The following HFM1 variants were observed in gnomAD, a reference collection of about 807,000 sequenced individuals.
HFM1 encodes probable ATP-dependent DNA helicase HFM1.
In HFM1, 169 loss-of-function variants were observed where a neutral mutation model predicts 192.1. The observed-to-expected ratio is 0.88, with a 90% CI of 0.78 to 1.00. The LOEUF (loss-of-function observed/expected upper bound fraction) is 1.00. Among genes scored for constraint, HFM1 ranks in the 50% least tolerant of loss-of-function variants. The probability of loss-of-function intolerance (pLI) is 0.00; values close to 1 mark genes in which losing one functional copy is unlikely to be tolerated. For missense variants in HFM1, 1,661 were observed against 1,668.0 expected (o/e 1.00, Z 0.07); for synonymous variants, 525 against 537.8 (o/e 0.98, Z 0.33).
At chr1:91,325,373 G>A (rs964409373) in intron 20 of HFM1, among the ~76,000 whole-genome samples, 1 of 152,184 alleles carries the variant, frequency 6.6e-6, no homozygotes, top group Non-Finnish European at 1.5e-5. Flanking sequence ...GTGCTGTGCT[G>A]GCTTCAGGTC....
intron 25 of HFM1, among the ~76,000 whole-genome samples, chr1:91,316,957 A>G (rs745800730): frequency 5.9e-5 from 9 of 152,126 alleles, no homozygotes; most frequent in Non-Finnish European, 1.2e-4. Context: ...AAAACTTCCA[A>G]TGCTTTTCCA....
Position 91,385,288 on chromosome 1 carries a change from A to G in HFM1, c.755-54T>C, listed in dbSNP as rs145561510. The G allele has an allele frequency of 1.7e-3, 1,793 of 1,031,108 alleles. 16 individuals are homozygous for G. In the East Asian group the frequency reaches 0.023, roughly 13 times the overall value. The allele number at this position is 1,031,108 out of a possible 1,614,324, so 63.9% of individuals were successfully genotyped here. The stretch of plus-strand genomic sequence containing the variant: ...AAATATCAAAAAAAAATTAATGGTC[A>G]GAAGCTAGGACCTGAAATGAATATT... On this transcript the variant is annotated intron_variant, in intron 5 of 38. Coordinates refer to ENST00000370425, the MANE Select transcript of HFM1 (RefSeq NM_001017975.6).
At chr1:91,272,233 C>A (rs1666374048) in intron 34 of HFM1, among the ~76,000 whole-genome samples, 1 of 151,922 alleles carries the variant, frequency 6.6e-6, no homozygotes, top group South Asian at 2.1e-4. Flanking sequence ...TCCTAAAACC[C>A]CTAAAATATA....
chr1:91,296,918 T>C (rs982955609), intron 30 of HFM1, among the ~76,000 whole-genome samples: 13 of 152,164 alleles, frequency 8.5e-5, no homozygotes, highest in Non-Finnish European at 1.6e-4. Context: ...CGGGTTCATC[T>C]CACTGGGGAA....
chr1:91,365,616 TA>T (rs1039097942), intron 13 of HFM1, among the ~76,000 whole-genome samples: 7 of 152,190 alleles, frequency 4.6e-5, no homozygotes, highest in Non-Finnish European at 8.8e-5. Flanking sequence ...CTTAAGTATA[TA>T]AAAACATCTA....
upstream of HFM1, among the ~76,000 whole-genome samples, chr1:91,407,325 G>A (rs1037876342): frequency 1.1e-4 from 16 of 151,692 alleles, no homozygotes; most frequent in African/African-American, 3.9e-4. Flanking sequence ...CCTGCACGTT[G>A]TGCACATGTA....
intron 20 of HFM1, chr1:91,328,355 G>GC: frequency 6.5e-7 from 1 of 1,545,222 alleles, no homozygotes; most frequent in Non-Finnish European, 8.7e-7. Context: ...TGTCCCAAAG[G>GC]CCAGTCATCC....
intron 20 of HFM1, chr1:91,328,714 A>C: frequency 6.2e-7 from 1 of 1,604,870 alleles, no homozygotes; most frequent in Non-Finnish European, 8.5e-7. Flanking sequence ...AGAAGCAGCT[A>C]CAGCAGGCTC....
chr1:91,376,122 T>C (rs996695776), intron 11 of HFM1, among the ~76,000 whole-genome samples: 2 of 152,056 alleles, frequency 1.3e-5, no homozygotes, highest in East Asian at 3.9e-4. Context: ...GTCCTAAATA[T>C]TAGATAAATA....
Position 91,275,062 on chromosome 1 carries a change from G to A in HFM1, c.3589-253C>T, listed in dbSNP as rs1258203319. Among the ~76,000 whole-genome samples, 5 of 143,508 alleles carry A rather than the reference G, an allele frequency of 3.5e-5. No homozygotes were observed. The East Asian group carries it at 1.0e-3, about 30-fold the overall frequency. The allele number at this position is 143,508 out of a possible 152,430, so 94.1% of individuals were successfully genotyped here. ...TGCAGTGGTATAATCTCAGCTCACT[G>A]CAACCTCTGCCTCCCAGGTTTAAGC... is the stretch of plus-strand genomic sequence containing the variant. On this transcript the variant is annotated intron_variant, in intron 32 of 38. Coordinates refer to ENST00000370425, the MANE Select transcript of HFM1 (RefSeq NM_001017975.6).
chr1:91,318,567 G>C (rs1328427443), intron 25 of HFM1, among the ~76,000 whole-genome samples: 1 of 151,966 alleles, frequency 6.6e-6, no homozygotes, highest in African/African-American at 2.4e-5. Context: ...GGTCCCTATA[G>C]ACAAAATAAT....
At chr1:91,390,557 A>C (rs1019591356) in intron 4 of HFM1, among the ~76,000 whole-genome samples, 1 of 152,044 alleles carries the variant, frequency 6.6e-6, no homozygotes, top group Non-Finnish European at 1.5e-5. Flanking sequence ...AAGTGCAGCC[A>C]TTCATGCTAA....
At chr1:91,309,926 T>C (rs553034407) in intron 30 of HFM1, among the ~76,000 whole-genome samples, 2 of 151,890 alleles carry the variant, frequency 1.3e-5, no homozygotes, top group African/African-American at 4.8e-5. Flanking sequence ...TGAAAACTAC[T>C]ATCATTTAAA....
At chr1:91,331,128 A>T (rs1168539551) in intron 20 of HFM1, among the ~76,000 whole-genome samples, 3 of 152,238 alleles carry the variant, frequency 2.0e-5, no homozygotes, top group Non-Finnish European at 2.9e-5. Context: ...TCCTAGCTAG[A>T]GCAATCAGAT....
intron 30 of HFM1, among the ~76,000 whole-genome samples, chr1:91,293,127 C>A (rs1570819351): frequency 6.6e-6 from 1 of 152,186 alleles, no homozygotes; most frequent in Admixed American, 6.5e-5. Flanking sequence ...CATTACCATT[C>A]AGGACGTAGG....
At chr1:91,373,147 T>TCAA (rs1660458087) in intron 13 of HFM1, among the ~76,000 whole-genome samples, 2 of 1,478 alleles carry the variant, frequency 1.4e-3, no homozygotes, top group African/African-American at 3.3e-3. Flanking sequence ...TTTTAGTGGA[T>TCAA]TAAAAAAAAA....
chr1:91,290,699 A>C (rs1371389741), intron 30 of HFM1, among the ~76,000 whole-genome samples: 1 of 152,174 alleles, frequency 6.6e-6, no homozygotes, highest in African/African-American at 2.4e-5. Flanking sequence ...CACCAACCGG[A>C]CCTAATAGAC....
intron 14 of HFM1, 49 bp from the exon 15 acceptor site, chr1:91,353,201 T>A: frequency 5.1e-6 from 8 of 1,553,734 alleles, no homozygotes; most frequent in Non-Finnish European, 7.1e-6. Context: ...CATCAATAAT[T>A]GGCACCTTTC....
chr1:91,402,981 G>C (rs1460544480), intron 1 of HFM1, among the ~76,000 whole-genome samples: 1 of 152,080 alleles, frequency 6.6e-6, no homozygotes, highest in Non-Finnish European at 1.5e-5. Context: ...TCTAGTTCTA[G>C]CATACAAGAA....
Sources: gnomAD v4.1 joint callset for allele counts (sites outside exome capture counted in the v4.1 genomes callset) on GRCh38, gnomAD v4.1.1 for gene constraint, MANE v1.5 for transcripts, NCBI Gene and HGNC (gene_info 2026-07-23, HGNC 2026-07-21) for gene names.